FREM3: variants seen among roughly 807,000 people sequenced by gnomAD.
The protein encoded by FREM3 is FRAS1-related extracellular matrix protein 3.
In FREM3, 105 loss-of-function variants were observed where a neutral mutation model predicts 129.1. The ratio of observed to expected loss-of-function variants is 0.81; its 90% CI spans 0.69 to 0.96. The LOEUF (loss-of-function observed/expected upper bound fraction) is 0.96. Among genes scored for constraint, FREM3 ranks in the 40% least tolerant of loss-of-function variants. FREM3 has a pLI of 0.00. For synonymous variants in FREM3, 1,014 were observed against 1,044.9 expected, an observed-to-expected ratio of 0.97 and a Z score of 0.57; for missense variants, 2,593 against 2,666.3, an observed-to-expected ratio of 0.97 and a Z score of 0.61.
In FREM3 at chr4:143,699,010, CAGTG is replaced by C; in HGVS notation, c.1662_1665del (p.Thr555LysfsTer12). On this transcript the variant is annotated frameshift_variant, in exon 1 of 8. Coordinates refer to ENST00000329798, the MANE Select transcript of FREM3 (RefSeq NM_001168235.2). LOFTEE classifies it high-confidence loss of function. This position sits in a 1 kb window ranked among gnomAD's most constrained non-coding sequence, Gnocchi z 4.2. ...GGAGAGATCTGGACCACCTGCCCTT[CAGTG>C]AGTGAGAGTCCTGTGTTAGTATTGA... 1 of 1,537,294 alleles carries C rather than the reference CAGTG, an allele frequency of 6.5e-7. No individual in the cohort carries two copies.
At chr4:143,687,204 A>T (rs1740386027) in intron 2 of FREM3, among the ~76,000 whole-genome samples, 1 of 152,182 alleles carries the variant, frequency 6.6e-6, no homozygotes, top group Admixed American at 6.5e-5. Flanking sequence ...AGAGCATTCA[A>T]GGCTGCTACG....
At chr4:143,638,258 A>C (rs1739266490) in intron 2 of FREM3, among the ~76,000 whole-genome samples, 1 of 152,154 alleles carries the variant, frequency 6.6e-6, no homozygotes. Flanking sequence ...GTCTCAAAGC[A>C]AGACATTAGA....
At chr4:143,677,493 C>A (rs951478651) in intron 2 of FREM3, among the ~76,000 whole-genome samples, 1 of 152,204 alleles carries the variant, frequency 6.6e-6, no homozygotes, top group Non-Finnish European at 1.5e-5. Context: ...GCAAGGACTT[C>A]ATGTCTGAAA....
At chr4:143,593,532 G>A (rs112254687) in intron 6 of FREM3, among the ~76,000 whole-genome samples, 1,974 of 152,206 alleles carry the variant, frequency 0.013, 39 homozygotes, top group African/African-American at 0.045. Context: ...TATCAGCAGC[G>A]GTGGCTGAAG....
intron 2 of FREM3, among the ~76,000 whole-genome samples, chr4:143,631,160 CT>C (rs1329589811): frequency 6.6e-6 from 1 of 152,052 alleles, no homozygotes; most frequent in Admixed American, 6.6e-5. Context: ...TTGTTATCTG[CT>C]AAAAAGGTTC....
chr4:143,594,106 A>T (rs1738419548), intron 6 of FREM3, among the ~76,000 whole-genome samples: 2 of 152,172 alleles, frequency 1.3e-5, no homozygotes, highest in Admixed American at 1.3e-4. Flanking sequence ...GAGTGACACG[A>T]GTTTCCAGGT....
At chr4:143,668,503 T>C (rs1739905248) in intron 2 of FREM3, among the ~76,000 whole-genome samples, 1 of 152,252 alleles carries the variant, frequency 6.6e-6, no homozygotes, top group Admixed American at 6.5e-5. Flanking sequence ...CTGTGTTCCT[T>C]GATCACTTGA....
At chr4:143,656,150 C>T (rs1326220543) in intron 2 of FREM3, among the ~76,000 whole-genome samples, 3 of 152,078 alleles carry the variant, frequency 2.0e-5, no homozygotes, top group African/African-American at 4.8e-5. Flanking sequence ...GATAAACACC[C>T]AAGCCTAAAC....
intron 2 of FREM3, among the ~76,000 whole-genome samples, chr4:143,674,543 A>G (rs1490784304): frequency 6.6e-6 from 1 of 152,238 alleles, no homozygotes; most frequent in Non-Finnish European, 1.5e-5. Context: ...ACATAACAAT[A>G]TTAACCTTAA....
chr4:143,661,007 A>G (rs1739706410), intron 2 of FREM3, among the ~76,000 whole-genome samples: 1 of 151,990 alleles, frequency 6.6e-6, no homozygotes, highest in South Asian at 2.1e-4. Flanking sequence ...GGTTTTCTAG[A>G]TATACAATCA....
intron 2 of FREM3, among the ~76,000 whole-genome samples, chr4:143,675,035 T>C (rs1273784009): frequency 1.5e-4 from 23 of 152,210 alleles, no homozygotes; most frequent in Middle Eastern, 3.4e-3. Flanking sequence ...CTGCACCAAG[T>C]GGACCTAATA....
At chr4:143,593,732 T>C (rs1738411841) in intron 6 of FREM3, among the ~76,000 whole-genome samples, 1 of 152,212 alleles carries the variant, frequency 6.6e-6, no homozygotes, top group African/African-American at 2.4e-5. Flanking sequence ...TCAAGCTGCA[T>C]GCTGGGAGAA....
In FREM3 at chr4:143,621,165, A is replaced by G. The variant is rs971609183; in HGVS notation, c.5654-3T>C. On this transcript the variant is annotated splice_region_variant and splice_polypyrimidine_tract_variant and intron_variant, in intron 4 of 7. Coordinates refer to ENST00000329798, the MANE Select transcript of FREM3 (RefSeq NM_001168235.2). ...CTCTGGAATATAAACTGTTGATTCT[A>G]GAAAAGATGGCAGAAGACTTTTCAC... 3 of 1,536,904 alleles carry G rather than the reference A, an allele frequency of 2.0e-6. No individual in the cohort carries two copies. The highest frequency in any genetic ancestry group is 2.7e-5 in the African/African-American group (2 of 73,038).
chr4:143,681,248 G>T, intron 2 of FREM3, among the ~76,000 whole-genome samples: 1 of 152,116 alleles, frequency 6.6e-6, no homozygotes, highest in Middle Eastern at 3.4e-3. Context: ...CTTAAAATTT[G>T]TAGTAAGGAG....
At chr4:143,618,359 G>A (rs1314201295) in intron 5 of FREM3, among the ~76,000 whole-genome samples, 2 of 151,870 alleles carry the variant, frequency 1.3e-5, no homozygotes, top group Non-Finnish European at 1.5e-5. Context: ...CCTTGACCCC[G>A]AGATCCCCAC....
At position 143,585,979 on chromosome 4, in the gene FREM3, A is replaced by G; in HGVS notation, c.6043T>C (p.Phe2015Leu). The G allele has an allele frequency of 6.5e-7, 1 of 1,537,670 alleles. No individual in the cohort carries two copies. The highest frequency in any genetic ancestry group is 2.4e-5 in the East Asian group (1 of 40,918). ...ADRYDEPVLH[F>L]GDAEYHVNES... ...TTGACGTGATATTCAGCATCCCCAA[A>G]GTGCAGGACAGGTTCTAAAGAGGCA... Residue 2015 changes from phenylalanine (F) to leucine (L), a missense_variant, in exon 7 of 8, where the codon TTT becomes CTT. By Grantham distance (22) the Phe-to-Leu change is conservative. Around this residue, in one of 2 missense-constraint regions of FREM3, gnomAD observed 317 missense variants for 399.0 expected, o/e 0.79. Coordinates refer to ENST00000329798, the MANE Select transcript of FREM3 (RefSeq NM_001168235.2). The surrounding 1 kb of genome is among the most constrained non-coding windows in gnomAD (Gnocchi z 4.2).
chr4:143,597,209 G>C (rs1738498997), intron 6 of FREM3, among the ~76,000 whole-genome samples: 1 of 152,112 alleles, frequency 6.6e-6, no homozygotes, highest in Non-Finnish European at 1.5e-5. Flanking sequence ...GTTTGAAACA[G>C]GAAAATCAAG....
intron 6 of FREM3, among the ~76,000 whole-genome samples, chr4:143,599,450 A>C (rs1471368314): frequency 1.3e-5 from 2 of 152,166 alleles, no homozygotes; most frequent in African/African-American, 4.8e-5. Flanking sequence ...GAAGAGGTTG[A>C]ACTAGATGAC....
At chr4:143,647,758 G>C (rs1191773862) in intron 2 of FREM3, among the ~76,000 whole-genome samples, 1 of 152,154 alleles carries the variant, frequency 6.6e-6, no homozygotes, top group Non-Finnish European at 1.5e-5. Context: ...TGGATGTCCA[G>C]GCAGAAGTTT....
Sources: gnomAD v4.1 joint callset for allele counts (sites outside exome capture counted in the v4.1 genomes callset) on GRCh38, gnomAD v4.1.1 for gene constraint, gnomAD v4.1.1 regional missense constraint, Gnocchi (gnomAD v3.1) non-coding constraint, MANE v1.5 for transcripts, NCBI Gene and HGNC (gene_info 2026-07-23, HGNC 2026-07-21) for gene names.